The following PCDH11X variants were observed in gnomAD, a reference collection of about 807,000 sequenced individuals.
The protein encoded by PCDH11X is protocadherin-11 X-linked.
In PCDH11X, 18 loss-of-function variants were observed where a neutral mutation model predicts 53.3. That is an observed-to-expected ratio of 0.34 (90% CI 0.23 to 0.50). PCDH11X has a LOEUF of 0.50. Among genes scored for constraint, PCDH11X ranks in the 20% least tolerant of loss-of-function variants. PCDH11X has a pLI of 0.98. For missense variants in PCDH11X, 570 were observed against 1,032.4 expected, an observed-to-expected ratio of 0.55 and a Z score of 6.14; for synonymous variants, 279 against 393.3, an observed-to-expected ratio of 0.71 and a Z score of 3.44.
intron 6 of PCDH11X, among the ~76,000 whole-genome samples, chrX:92,027,173 A>G (rs1275114708): frequency 9.0e-6 from 1 of 111,517 alleles, no homozygotes; most frequent in Admixed American, 9.6e-5. Flanking sequence ...CCTTATTTGC[A>G]TATTATATTT....
chrX:91,895,870 C>T (rs1940730519), intron 6 of PCDH11X, among the ~76,000 whole-genome samples: 1 of 104,609 alleles, frequency 9.6e-6, no homozygotes, highest in African/African-American at 3.4e-5. Context: ...TACATATATA[C>T]ATATACATAT....
At chrX:92,492,904 A>G (rs1358565368) in intron 10 of PCDH11X, among the ~76,000 whole-genome samples, 1 of 111,316 alleles carries the variant, frequency 9.0e-6, no homozygotes, top group Non-Finnish European at 1.9e-5. Context: ...CATTTCTTAA[A>G]TTTATCTACC....
intron 8 of PCDH11X, among the ~76,000 whole-genome samples, chrX:92,348,828 C>T (rs1192470348): frequency 4.7e-5 from 5 of 106,679 alleles, no homozygotes; most frequent in Admixed American, 3.0e-4. Context: ...TGAGCCAACA[C>T]GCCTGGCCAC....
intron 5 of PCDH11X, among the ~76,000 whole-genome samples, chrX:91,873,944 A>C (rs1479502271): frequency 1.8e-5 from 2 of 110,953 alleles, no homozygotes; most frequent in Non-Finnish European, 3.8e-5. Flanking sequence ...TTAAATCCAT[A>C]GTTATTGATT....
At chrX:92,597,900 A>G (rs2148804159) in intron 10 of PCDH11X, among the ~76,000 whole-genome samples, 1 of 111,767 alleles carries the variant, frequency 8.9e-6, no homozygotes, top group African/African-American at 3.2e-5. Flanking sequence ...CATTTTCTCC[A>G]AAAATGCTGA....
chrX:92,180,959 G>A (rs775048567), intron 6 of PCDH11X, among the ~76,000 whole-genome samples: 3 of 110,144 alleles, frequency 2.7e-5, no homozygotes, highest in African/African-American at 9.9e-5. Flanking sequence ...AGAGTGGGAC[G>A]CTGCTGAAAA....
At chrX:92,447,920 G>A (rs775338288) in intron 9 of PCDH11X, among the ~76,000 whole-genome samples, 2 of 111,309 alleles carry the variant, frequency 1.8e-5, no homozygotes, top group East Asian at 5.8e-4. Flanking sequence ...TGACCCGGAA[G>A]TGAGACATGG....
intron 10 of PCDH11X, among the ~76,000 whole-genome samples, chrX:92,567,473 G>C (rs1921620109): frequency 9.9e-6 from 1 of 100,850 alleles, no homozygotes; most frequent in Admixed American, 1.1e-4. Flanking sequence ...TTTGTACATT[G>C]ATTTTGTATC....
At chrX:91,890,155 A>AT (rs1377892626) in intron 6 of PCDH11X, among the ~76,000 whole-genome samples, 2 of 109,961 alleles carry the variant, frequency 1.8e-5, no homozygotes, top group African/African-American at 6.6e-5. Context: ...TGGTATTAAA[A>AT]TGGGTTAGTG....
intron 9 of PCDH11X, among the ~76,000 whole-genome samples, chrX:92,395,033 A>G (rs1279469825): frequency 3.6e-5 from 4 of 111,496 alleles, no homozygotes; most frequent in African/African-American, 9.7e-5. Flanking sequence ...AGAGAATAGA[A>G]TAGAGATAAC....
At chrX:92,185,262 T>C (rs921072918) in intron 6 of PCDH11X, among the ~76,000 whole-genome samples, 4 of 110,278 alleles carry the variant, frequency 3.6e-5, no homozygotes, top group Non-Finnish European at 5.7e-5. Context: ...ATTAAAAATT[T>C]AAATAAATAA....
chrX:91,783,750 CA>C (rs1480531649), intron 1 of PCDH11X, among the ~76,000 whole-genome samples: 3 of 111,517 alleles, frequency 2.7e-5, no homozygotes, highest in African/African-American at 9.8e-5. Context: ...GAAAATTATT[CA>C]GGGAATGAAA....
At chrX:91,866,559 C>G (rs932054459) in intron 5 of PCDH11X, among the ~76,000 whole-genome samples, 9 of 111,415 alleles carry the variant, frequency 8.1e-5, no homozygotes, top group African/African-American at 2.9e-4. Flanking sequence ...TTCTTCCTCC[C>G]CCAGTGCCCA....
At chrX:91,903,688 T>TGTGC (rs1282040534) in intron 6 of PCDH11X, among the ~76,000 whole-genome samples, 1 of 107,736 alleles carries the variant, frequency 9.3e-6, no homozygotes, top group South Asian at 4.1e-4. Context: ...TGTGTGTGTG[T>TGTGC]GCGTGTATAA....
At chrX:92,100,174 A>T (rs1402623307) in intron 6 of PCDH11X, among the ~76,000 whole-genome samples, 2 of 111,469 alleles carry the variant, frequency 1.8e-5, no homozygotes, top group Non-Finnish European at 3.8e-5. Flanking sequence ...AAAACCATGT[A>T]ACAAGGTACA....
intron 6 of PCDH11X, among the ~76,000 whole-genome samples, chrX:92,078,779 C>T (rs1219218545): frequency 9.0e-6 from 1 of 111,035 alleles, no homozygotes; most frequent in Non-Finnish European, 1.9e-5. Context: ...GATATTGTCA[C>T]TCAGTGTATT....
chrX:92,108,312 A>T (rs906082361), intron 6 of PCDH11X, among the ~76,000 whole-genome samples: 3 of 112,138 alleles, frequency 2.7e-5, no homozygotes, highest in Non-Finnish European at 3.8e-5. Flanking sequence ...CACTGTGATT[A>T]AAAAAAGTAA....
At chrX:92,318,565 G>A (rs1181051046) in intron 8 of PCDH11X, among the ~76,000 whole-genome samples, 1 of 111,031 alleles carries the variant, frequency 9.0e-6, no homozygotes, top group East Asian at 2.8e-4. Context: ...TTTCTCTTAT[G>A]AGATATTTTT....
chrX:91,946,690 G>A (rs2147864927), intron 6 of PCDH11X, among the ~76,000 whole-genome samples: 1 of 94,435 alleles, frequency 1.1e-5, no homozygotes, highest in South Asian at 5.2e-4. Context: ...TTAAAATTTA[G>A]CAGTAATTTG....
Sources: gnomAD v4.1 joint callset for allele counts (sites outside exome capture counted in the v4.1 genomes callset) on GRCh38, gnomAD v4.1.1 for gene constraint, MANE v1.5 for transcripts, NCBI Gene and HGNC (gene_info 2026-07-23, HGNC 2026-07-21) for gene names.